The following ARHGAP5 variants were observed in gnomAD, a reference collection of about 807,000 sequenced individuals.
ARHGAP5 encodes the protein rho GTPase-activating protein 5.
In ARHGAP5, 23 loss-of-function variants were observed where a neutral mutation model predicts 116.6. The observed-to-expected ratio is 0.20, with a 90% CI of 0.14 to 0.28. The LOEUF (loss-of-function observed/expected upper bound fraction) is 0.28. ARHGAP5 is among the 10% of genes least tolerant of loss of function. ARHGAP5 has a pLI of 1.00. For synonymous variants in ARHGAP5, 574 were observed against 602.0 expected, an observed-to-expected ratio of 0.95 and a Z score of 0.68; for missense variants, 1,405 against 1,774.8, an observed-to-expected ratio of 0.79 and a Z score of 3.74.
chr14:32,150,109 A>G, intron 5 of ARHGAP5, 76 bp downstream of exon 5: 1 of 1,215,438 alleles, frequency 8.2e-7, no homozygotes, highest in African/African-American at 1.6e-5. Context: ...TGTTAAAATC[A>G]TCATGTACTA....
At chr14:32,125,563 C>G (rs962231987) in intron 3 of ARHGAP5, among the ~76,000 whole-genome samples, 2 of 152,114 alleles carry the variant, frequency 1.3e-5, no homozygotes, top group Non-Finnish European at 2.9e-5. Flanking sequence ...AAATTGTTTC[C>G]ACAGTGGATG....
chr14:32,093,396 T>G lies in ARHGAP5; in HGVS notation c.2727T>G (p.Thr909=). The G allele has an allele frequency of 6.2e-7, 1 of 1,613,982 alleles. No homozygotes were observed. The highest frequency in any genetic ancestry group is 8.5e-7 in the Non-Finnish European group (1 of 1,179,922). Reference sequence around the variant, plus strand: ...TGACTGAAGGAGAACACATTGCAACTGAGATCACTGCTAAATTTACAGCAC... The same window carrying G: ...TGACTGAAGGAGAACACATTGCAACGGAGATCACTGCTAAATTTACAGCAC... ...ELMTEGEHIA[T]EITAKFTALY... is the part of the protein sequence containing the mutation. Residue 909 remains threonine (T), a synonymous_variant, in exon 2 of 7, where the codon ACT becomes ACG. Coordinates refer to ENST00000345122, the MANE Select transcript of ARHGAP5 (RefSeq NM_001030055.2).
Position 32,092,793 on chromosome 14 carries a change from T to A in ARHGAP5, c.2124T>A (p.Ser708Arg). 6.2e-7 allele frequency: 1 copy of A among 1,614,006 alleles called. No individual in the cohort carries two copies. The change falls in exon 2 of 7, where the codon AGT becomes AGA. Residue 708 changes from serine (S) to arginine (R), a missense_variant. Transcript: ENST00000345122. This position sits in a 1 kb window ranked among gnomAD's most constrained non-coding sequence, Gnocchi z 4.1. ...TGGCTAATCAGAGAGATTCCATTAGTAAGAATCTACCAATTCTCAGGCACC... is the reference window on the plus strand; with the variant it reads ...TGGCTAATCAGAGAGATTCCATTAGAAAGAATCTACCAATTCTCAGGCACC... Reference protein sequence around the residue: ...LILANQRDSISKNLPILRHQG... With the variant: ...LILANQRDSIRKNLPILRHQG...
At position 32,093,484 on chromosome 14, in the gene ARHGAP5, C is replaced by T; in HGVS notation, c.2815C>T (p.Leu939=). 1.9e-6 allele frequency: 3 copies of T among 1,612,238 alleles called. No homozygotes were observed. Among genetic ancestry groups the T allele is most frequent in the Non-Finnish European group, 2.5e-6 (3 of 1,179,506 alleles). The change falls in exon 2 of 7, where the codon CTA becomes TTA. Residue 939 remains leucine (L), a synonymous_variant. Coordinates refer to ENST00000345122, the MANE Select transcript of ARHGAP5 (RefSeq NM_001030055.2). ...EVFTLFFSDV[L]EKKNMIENSY... ...CTTTACTCTGTTTTTTAGTGATGTTCTAGAGAAAAAAAATATGATAGAAAA... is the reference window on the plus strand; with the variant it reads ...CTTTACTCTGTTTTTTAGTGATGTTTTAGAGAAAAAAAATATGATAGAAAA...
chr14:32,102,913 G>T (rs1391900824), intron 2 of ARHGAP5, among the ~76,000 whole-genome samples: 1 of 152,150 alleles, frequency 6.6e-6, no homozygotes, highest in Admixed American at 6.5e-5. Flanking sequence ...TCATTCATTG[G>T]CTCTGCTTTC....
rs1438403411 is a variant in ARHGAP5 at position 32,158,734 on chromosome 14, A to G, written c.*3786A>G. 1 of 152,044 alleles carries G rather than the reference A, an allele frequency of 6.6e-6. No homozygotes were observed. Among genetic ancestry groups the G allele is most frequent in the Admixed American group, 6.6e-5 (1 of 15,266 alleles). The allele number at this position is 152,044 out of a possible 1,614,324, so 9.4% of individuals were successfully genotyped here. On this transcript the variant is annotated 3_prime_UTR_variant, in exon 7 of 7. Coordinates refer to ENST00000345122, the MANE Select transcript of ARHGAP5 (RefSeq NM_001030055.2). ...CTTTTCAGGTTATGAAATACCTGAA[A>G]GTAAAATTTTCTAAGATTTAATAAG...
At chr14:32,078,697 G>A (rs905258608) in intron 1 of ARHGAP5, among the ~76,000 whole-genome samples, 1 of 152,102 alleles carries the variant, frequency 6.6e-6, no homozygotes, top group South Asian at 2.1e-4. Context: ...TCCGCATGAA[G>A]GATCTCGTTC....
rs1413540654 is a variant in ARHGAP5 at position 32,158,968 on chromosome 14, C to A, written c.*4020C>A. ...CATCATTGTCCTATTTGCATGACTCCATTTTTTCCTCCACTATATGAGTTT... is the reference window on the plus strand; with the variant it reads ...CATCATTGTCCTATTTGCATGACTCAATTTTTTCCTCCACTATATGAGTTT... On this transcript the variant is annotated 3_prime_UTR_variant, in exon 7 of 7. Coordinates refer to ENST00000345122, the MANE Select transcript of ARHGAP5 (RefSeq NM_001030055.2). The A allele has an allele frequency of 2.0e-5, 3 of 151,980 alleles. No individual in the cohort carries two copies. The highest frequency in any genetic ancestry group is 4.4e-5 in the Non-Finnish European group (3 of 67,928). The allele number at this position is 151,980 out of a possible 1,614,324, so 9.4% of individuals were successfully genotyped here. A position where few individuals can be genotyped will look rare whatever the true frequency, so the allele number is the denominator to read the frequency against.
intron 2 of ARHGAP5, among the ~76,000 whole-genome samples, chr14:32,100,722 T>C (rs1233104363): frequency 6.6e-6 from 1 of 152,198 alleles, no homozygotes; most frequent in Non-Finnish European, 1.5e-5. Context: ...GACAACTGTA[T>C]ATGTTATTTT....
intron 3 of ARHGAP5, among the ~76,000 whole-genome samples, chr14:32,145,270 A>G (rs937797322): frequency 6.6e-6 from 1 of 152,220 alleles, no homozygotes; most frequent in African/African-American, 2.4e-5. Flanking sequence ...CAGAAAGGGT[A>G]AAGAACTCCT....
chr14:32,147,503 G>A (rs952071662), intron 4 of ARHGAP5, among the ~76,000 whole-genome samples: 3 of 152,162 alleles, frequency 2.0e-5, no homozygotes, highest in Non-Finnish European at 4.4e-5. Context: ...TATCTTGTAC[G>A]CTGTTGGTTG....
chr14:32,140,884 A>G (rs1881094478), intron 3 of ARHGAP5, among the ~76,000 whole-genome samples: 1 of 152,146 alleles, frequency 6.6e-6, no homozygotes, highest in Non-Finnish European at 1.5e-5. Context: ...TGATCTGTCT[A>G]GTTCTGTTCA....
At position 32,100,481 on chromosome 14, in the gene ARHGAP5, T is replaced by A. The variant is rs150695269; in HGVS notation, c.3717+6095T>A. On this transcript the variant is annotated intron_variant, in intron 2 of 6. Coordinates refer to ENST00000345122, the MANE Select transcript of ARHGAP5 (RefSeq NM_001030055.2). ...CTAAAGTACTAGGACTACGTGTGTG[T>A]GCCACCATGCCTGGCTTGATAATAC... Among the ~76,000 whole-genome samples the A allele has an allele frequency of 6.6e-5, 10 of 152,272 alleles. No homozygotes were observed. The East Asian group carries it at 1.2e-3, about 18-fold the overall frequency.
chr14:32,134,534 T>G (rs1417101223), intron 3 of ARHGAP5, among the ~76,000 whole-genome samples: 2 of 152,142 alleles, frequency 1.3e-5, no homozygotes, highest in African/African-American at 4.8e-5. Context: ...GAAGCCCCAT[T>G]AGTAATGCAT....
chr14:32,142,503 C>G (rs1881173084), intron 3 of ARHGAP5, among the ~76,000 whole-genome samples: 1 of 152,194 alleles, frequency 6.6e-6, no homozygotes, highest in Admixed American at 6.5e-5. Context: ...CTGTTCTATT[C>G]ACTTTGCGGT....
intron 3 of ARHGAP5, among the ~76,000 whole-genome samples, chr14:32,140,409 G>A (rs1338437541): frequency 2.0e-5 from 3 of 149,018 alleles, no homozygotes; most frequent in Admixed American, 6.6e-5. Flanking sequence ...GTGAAACCCC[G>A]TCTCGACTAA....
intron 2 of ARHGAP5, among the ~76,000 whole-genome samples, chr14:32,113,907 A>AAGACT (rs1879428910): frequency 6.6e-6 from 1 of 152,174 alleles, no homozygotes; most frequent in South Asian, 2.1e-4. Context: ...TTCCCACCAT[A>AAGACT]GTCTAGGCAT....
chr14:32,147,818 C>G (rs1005069553), intron 4 of ARHGAP5, among the ~76,000 whole-genome samples: 6 of 152,166 alleles, frequency 3.9e-5, no homozygotes, highest in Admixed American at 2.6e-4. Flanking sequence ...CAAAAACACA[C>G]CTTGTTGCCA....
intron 1 of ARHGAP5, among the ~76,000 whole-genome samples, chr14:32,082,937 A>G (rs1291590281): frequency 3.3e-5 from 5 of 152,216 alleles, no homozygotes; most frequent in Non-Finnish European, 7.3e-5. Context: ...TTCCTCCTCT[A>G]GACTAATCTG....
Sources: gnomAD v4.1 joint callset for allele counts (sites outside exome capture counted in the v4.1 genomes callset) on GRCh38, gnomAD v4.1.1 for gene constraint, Gnocchi (gnomAD v3.1) non-coding constraint, MANE v1.5 for transcripts, NCBI Gene and HGNC (gene_info 2026-07-23, HGNC 2026-07-21) for gene names.